Variants in KCNMB2 observed in about 807,000 individuals in gnomAD.
KCNMB2 encodes the protein potassium calcium-activated channel subfamily M regulatory beta subunit 2.
A neutral mutation model predicts 24.5 loss-of-function variants in KCNMB2; 9 were observed. The ratio of observed to expected loss-of-function variants is 0.37; its 90% confidence interval spans 0.22 to 0.64. The LOEUF is 0.64. Among genes scored for constraint, KCNMB2 ranks in the 30% least tolerant of loss-of-function variants. The pLI is 0.63. For synonymous variants in KCNMB2, 109 were observed against 104.4 expected (o/e 1.04, Z -0.27); for missense variants, 226 against 284.3 (o/e 0.79, Z 1.47).
intron 1 of KCNMB2, among the ~76,000 whole-genome samples, chr3:178,724,062 C>A (rs1004780728): frequency 7.2e-5 from 11 of 152,184 alleles, no homozygotes; most frequent in African/African-American, 2.7e-4. Flanking sequence ...AATCTCCAAA[C>A]TGCTTTCCCC....
chr3:178,813,890 C>A (rs775678022), intron 2 of KCNMB2, among the ~76,000 whole-genome samples: 19 of 152,124 alleles, frequency 1.2e-4, no homozygotes, highest in Non-Finnish European at 2.2e-4. Flanking sequence ...ATAATTAATG[C>A]TTTCATTATC....
At chr3:178,758,518 G>T (rs1321481806) in intron 1 of KCNMB2, among the ~76,000 whole-genome samples, 1 of 28,568 alleles carries the variant, frequency 3.5e-5, no homozygotes, top group Non-Finnish European at 6.2e-5. Context: ...ATATCTCCAA[G>T]AGGAGATGTA....
intron 1 of KCNMB2, among the ~76,000 whole-genome samples, chr3:178,722,949 T>C (rs892012751): frequency 2.0e-5 from 3 of 152,120 alleles, no homozygotes; most frequent in Non-Finnish European, 2.9e-5. Context: ...ACATGAACTT[T>C]AGGGGACACA....
At chr3:178,648,663 T>C (rs929599425) in intron 1 of KCNMB2, among the ~76,000 whole-genome samples, 5 of 152,258 alleles carry the variant, frequency 3.3e-5, no homozygotes, top group African/African-American at 4.8e-5. Flanking sequence ...ATGGAATGCA[T>C]AGATTGCATT....
intron 1 of KCNMB2, among the ~76,000 whole-genome samples, chr3:178,588,319 T>C (rs1180472520): frequency 6.6e-6 from 1 of 152,082 alleles, no homozygotes; most frequent in African/African-American, 2.4e-5. Flanking sequence ...AAGAGTCCTA[T>C]TAGTGTATAA....
chr3:178,826,604 C>A (rs1257787689), intron 3 of KCNMB2, among the ~76,000 whole-genome samples: 2 of 152,106 alleles, frequency 1.3e-5, no homozygotes, highest in Admixed American at 1.3e-4. Context: ...CAAGCCCAGC[C>A]CTGATGTATC....
intron 4 of KCNMB2, among the ~76,000 whole-genome samples, chr3:178,829,737 C>T (rs1216067422): frequency 6.6e-6 from 1 of 152,106 alleles, no homozygotes; most frequent in Non-Finnish European, 1.5e-5. Context: ...CTCATTTTGA[C>T]AATTTATCAC....
At chr3:178,746,247 G>A (rs1439523962) in intron 1 of KCNMB2, among the ~76,000 whole-genome samples, 1 of 152,132 alleles carries the variant, frequency 6.6e-6, no homozygotes, top group Non-Finnish European at 1.5e-5. Context: ...CTGTGTACTG[G>A]CAGTCTCAAT....
chr3:178,705,110 C>T (rs1722234871), intron 1 of KCNMB2, among the ~76,000 whole-genome samples: 1 of 152,074 alleles, frequency 6.6e-6, no homozygotes, highest in Admixed American at 6.6e-5. Context: ...CTCATGCTCC[C>T]AACCCCAATC....
intron 1 of KCNMB2, among the ~76,000 whole-genome samples, chr3:178,802,617 G>A (rs115485435): frequency 1.7e-3 from 261 of 152,156 alleles, no homozygotes; most frequent in African/African-American, 6.1e-3. Flanking sequence ...ATAATTACCT[G>A]GACAGCTTCC....
intron 1 of KCNMB2, among the ~76,000 whole-genome samples, chr3:178,593,891 C>G (rs1717770422): frequency 6.7e-6 from 1 of 149,370 alleles, no homozygotes; most frequent in Non-Finnish European, 1.5e-5. Flanking sequence ...CTCTTGGCCA[C>G]GGCATACCAG....
intron 1 of KCNMB2, among the ~76,000 whole-genome samples, chr3:178,603,307 G>T (rs1227462605): frequency 1.3e-5 from 2 of 152,068 alleles, no homozygotes; most frequent in Non-Finnish European, 2.9e-5. Context: ...TTATTAAGGA[G>T]CTAAAAGAAA....
intron 1 of KCNMB2, among the ~76,000 whole-genome samples, chr3:178,556,570 A>G (rs1463621544): frequency 6.6e-6 from 1 of 152,016 alleles, no homozygotes; most frequent in Non-Finnish European, 1.5e-5. Context: ...ACGCCCAGCT[A>G]ATTTTTTTGT....
intron 1 of KCNMB2, among the ~76,000 whole-genome samples, chr3:178,609,988 T>C (rs982867032): frequency 1.3e-4 from 20 of 152,312 alleles, no homozygotes; most frequent in Middle Eastern, 3.4e-3. Context: ...TTCAATCTTC[T>C]GCATGTGAAT....
At chr3:178,775,063 A>G (rs571756876) in intron 1 of KCNMB2, among the ~76,000 whole-genome samples, 1 of 152,334 alleles carries the variant, frequency 6.6e-6, no homozygotes, top group South Asian at 2.1e-4. Context: ...CATGATATTA[A>G]TATCCTAATT....
intron 1 of KCNMB2, among the ~76,000 whole-genome samples, chr3:178,800,176 T>C (rs1001026647): frequency 6.6e-6 from 1 of 151,980 alleles, no homozygotes; most frequent in African/African-American, 2.4e-5. Flanking sequence ...AATCCACCAA[T>C]GGGATCACAT....
intron 1 of KCNMB2, among the ~76,000 whole-genome samples, chr3:178,687,678 C>T (rs1721515862): frequency 6.6e-6 from 1 of 152,120 alleles, no homozygotes; most frequent in East Asian, 1.9e-4. Flanking sequence ...ATTTTTATGA[C>T]TGCTGCTTTT....
chr3:178,706,308 T>C (rs747405824), intron 1 of KCNMB2, among the ~76,000 whole-genome samples: 2 of 152,136 alleles, frequency 1.3e-5, no homozygotes, highest in Non-Finnish European at 2.9e-5. Context: ...TGAGATAATG[T>C]ATGCAGAACG....
intron 1 of KCNMB2, among the ~76,000 whole-genome samples, chr3:178,577,382 C>T (rs1396931024): frequency 1.3e-5 from 2 of 152,110 alleles, no homozygotes; most frequent in African/African-American, 4.8e-5. Context: ...ATATCAAAAC[C>T]AAAGGTAGAT....
Sources: allele counts gnomAD v4.1 joint callset (sites outside exome capture counted in the v4.1 genomes callset), GRCh38; gene constraint gnomAD v4.1.1; transcripts MANE v1.5; gene names NCBI Gene and HGNC (gene_info 2026-07-23, HGNC 2026-07-21).